BORCS5: variants seen among roughly 807,000 people sequenced by gnomAD.
BORCS5 encodes BLOC-1-related complex subunit 5.
BORCS5 carries 17 observed loss-of-function variants against 22.1 expected under a neutral mutation model. The observed-to-expected ratio is 0.77, with a 90% confidence interval of 0.53 to 1.15. The LOEUF (loss-of-function observed/expected upper bound fraction) is 1.15, where lower values mean the gene tolerates loss of function less well. Among genes scored for constraint, BORCS5 ranks in the 50% most tolerant of loss-of-function variants. BORCS5 has a pLI of 0.00. For missense variants in BORCS5, 247 were observed against 253.2 expected, an observed-to-expected ratio of 0.98 and a Z score of 0.17; for synonymous variants, 117 against 99.8, an observed-to-expected ratio of 1.17 and a Z score of -1.03.
chr12:12,401,878 G>T (rs977774772), intron 2 of BORCS5, among the ~76,000 whole-genome samples: 2 of 151,694 alleles, frequency 1.3e-5, no homozygotes, highest in Non-Finnish European at 2.9e-5. Context: ...TTAACATGGT[G>T]AAACCCTGTC....
At chr12:12,405,262 A>G (rs1941570330) in intron 2 of BORCS5, among the ~76,000 whole-genome samples, 1 of 152,168 alleles carries the variant, frequency 6.6e-6, no homozygotes, top group African/African-American at 2.4e-5. Flanking sequence ...CCAAGCAAAA[A>G]CTGTCTTAAG....
In BORCS5 at chr12:12,361,288, C is replaced by G; in HGVS notation, c.141C>G (p.Val47=). Residue 47 remains valine (V), a synonymous_variant, in exon 2 of 4, where the codon GTC becomes GTG. Transcript: ENST00000314565. ...AGGGCTCCCAGGCCTCACGGAACGT[C>G]AGCAACGATCCCGATGTCATCAAGT... ...VAQGSQASRN[V]SNDPDVIKLQ... 6.2e-7 allele frequency: 1 copy of G among 1,614,164 alleles called. No homozygotes were observed. Among genetic ancestry groups the G allele is most frequent in the African/African-American group, 1.3e-5 (1 of 75,042 alleles).
chr12:12,459,333 AG>A (rs1053657836), intron 3 of BORCS5, among the ~76,000 whole-genome samples: 3 of 150,956 alleles, frequency 2.0e-5, no homozygotes, highest in African/African-American at 7.3e-5. Context: ...TTTTAAAGAC[AG>A]GGTTTTGCTC....
intron 2 of BORCS5, among the ~76,000 whole-genome samples, chr12:12,371,152 C>G (rs1285034908): frequency 6.6e-6 from 1 of 152,150 alleles, no homozygotes; most frequent in Admixed American, 6.5e-5. Flanking sequence ...GTCTCCAGCT[C>G]TAGAATCGGG....
intron 2 of BORCS5, among the ~76,000 whole-genome samples, chr12:12,379,465 A>C (rs1863730421): frequency 6.6e-6 from 1 of 151,478 alleles, no homozygotes. Context: ...CTTATTCAAA[A>C]ATAGTAAGTT....
At chr12:12,424,600 CTGG>C (rs1215162283) in intron 2 of BORCS5, among the ~76,000 whole-genome samples, 3 of 137,530 alleles carry the variant, frequency 2.2e-5, no homozygotes, top group South Asian at 2.4e-4. Context: ...CTTTGTATGA[CTGG>C]TGATTTTTTT....
At chr12:12,433,046 A>C (rs748158191) in intron 2 of BORCS5, among the ~76,000 whole-genome samples, 16 of 152,084 alleles carry the variant, frequency 1.1e-4, no homozygotes, top group African/African-American at 1.4e-4. Flanking sequence ...AAAATGAGGA[A>C]ATCTGGGCTG....
chr12:12,424,327 C>G (rs937252625), intron 2 of BORCS5, among the ~76,000 whole-genome samples: 6 of 152,170 alleles, frequency 3.9e-5, no homozygotes, highest in Non-Finnish European at 2.9e-5. Context: ...GCCTTTGAAT[C>G]CCTGCATTGA....
intron 2 of BORCS5, among the ~76,000 whole-genome samples, chr12:12,404,351 G>A (rs1424445021): frequency 6.6e-6 from 1 of 152,194 alleles, no homozygotes; most frequent in Non-Finnish European, 1.5e-5. Context: ...CTGTTCTGGA[G>A]GCTGGGAAGT....
intron 3 of BORCS5, among the ~76,000 whole-genome samples, chr12:12,450,974 A>G (rs1458830750): frequency 1.3e-5 from 2 of 152,200 alleles, no homozygotes; most frequent in African/African-American, 4.8e-5. Context: ...TGTGTATATT[A>G]TATACTGGGT....
chr12:12,464,620 G>A (rs951660785), intron 3 of BORCS5, among the ~76,000 whole-genome samples: 1 of 152,160 alleles, frequency 6.6e-6, no homozygotes, highest in Non-Finnish European at 1.5e-5. Context: ...GTGAGGGGGT[G>A]GAAGTGGGGT....
At chr12:12,404,738 G>T (rs536561858) in intron 2 of BORCS5, among the ~76,000 whole-genome samples, 1 of 152,060 alleles carries the variant, frequency 6.6e-6, no homozygotes, top group South Asian at 2.1e-4. Flanking sequence ...AGTCTCTGTT[G>T]CCCAGGCTGG....
intron 3 of BORCS5, among the ~76,000 whole-genome samples, chr12:12,459,009 C>A (rs1237369572): frequency 6.6e-6 from 1 of 151,860 alleles, no homozygotes; most frequent in African/African-American, 2.4e-5. Context: ...TAGTCTCCTG[C>A]CTTAGCCTCC....
chr12:12,420,449 C>T (rs12747431), intron 2 of BORCS5, among the ~76,000 whole-genome samples: 4,017 of 152,132 alleles, frequency 0.026, 193 homozygotes, highest in African/African-American at 0.09. Context: ...GTTACTGTAG[C>T]CTTGTAGTAT....
intron 3 of BORCS5, among the ~76,000 whole-genome samples, chr12:12,461,642 A>G (rs1943107499): frequency 6.6e-6 from 1 of 152,190 alleles, no homozygotes; most frequent in African/African-American, 2.4e-5. Flanking sequence ...CTGCCAACTC[A>G]AAGATGTAAC....
intron 2 of BORCS5, among the ~76,000 whole-genome samples, chr12:12,416,467 T>G (rs925201139): frequency 1.3e-5 from 2 of 151,920 alleles, no homozygotes; most frequent in Non-Finnish European, 2.9e-5. Flanking sequence ...TTTTTAGAGA[T>G]GGGTATCACT....
chr12:12,437,703 C>G (rs987556945), intron 3 of BORCS5, among the ~76,000 whole-genome samples: 2 of 152,076 alleles, frequency 1.3e-5, no homozygotes, highest in African/African-American at 4.8e-5. Context: ...TATTAATGTC[C>G]CATAAAGTAG....
chr12:12,405,746 G>A (rs1815120600), intron 2 of BORCS5, among the ~76,000 whole-genome samples: 1 of 152,170 alleles, frequency 6.6e-6, no homozygotes, highest in Non-Finnish European at 1.5e-5. Flanking sequence ...TTTTTAACAT[G>A]TATTATCAAT....
intron 2 of BORCS5, among the ~76,000 whole-genome samples, chr12:12,386,006 T>G (rs1863871020): frequency 6.8e-6 from 1 of 148,114 alleles, no homozygotes; most frequent in African/African-American, 2.5e-5. Context: ...TCCATGTGGT[T>G]TTTTTTTTTT....
Sources: gnomAD v4.1 joint callset for allele counts (sites outside exome capture counted in the v4.1 genomes callset) on GRCh38, gnomAD v4.1.1 for gene constraint, MANE v1.5 for transcripts, NCBI Gene and HGNC (gene_info 2026-07-23, HGNC 2026-07-21) for gene names.